The following COL15A1 variants were observed in gnomAD, a reference collection of about 807,000 sequenced individuals.
COL15A1 encodes the protein collagen alpha-1(XV) chain.
COL15A1 carries 111 observed loss-of-function variants against 165.9 expected under a neutral mutation model. The ratio of observed to expected loss-of-function variants is 0.67; its 90% confidence interval spans 0.57 to 0.78. COL15A1 has a LOEUF of 0.78. Among genes scored for constraint, COL15A1 ranks in the 30% least tolerant of loss-of-function variants. The probability of loss-of-function intolerance (pLI) is 0.00; values close to 1 mark genes in which losing one functional copy is unlikely to be tolerated. For synonymous variants in COL15A1, 659 were observed against 674.8 expected (o/e 0.98, Z 0.36); for missense variants, 1,745 against 1,789.7 (o/e 0.98, Z 0.45).
intron 34 of COL15A1, among the ~76,000 whole-genome samples, chr9:99,055,660 T>G (rs543714286): frequency 6.6e-6 from 1 of 152,332 alleles, no homozygotes; most frequent in East Asian, 1.9e-4. Flanking sequence ...CAAAGAATGA[T>G]TAATGGTGAA....
chr9:99,028,041 GT>G (rs1839156698), intron 16 of COL15A1, among the ~76,000 whole-genome samples: 1 of 152,160 alleles, frequency 6.6e-6, no homozygotes, highest in Non-Finnish European at 1.5e-5. Context: ...CATACCTCCA[GT>G]GACAAGGAAC....
At chr9:99,025,216 G>A (rs1485514514) in intron 15 of COL15A1, among the ~76,000 whole-genome samples, 2 of 152,230 alleles carry the variant, frequency 1.3e-5, no homozygotes, top group African/African-American at 4.8e-5. Flanking sequence ...TTGTTTTGCT[G>A]CTTTATCATA....
chr9:99,049,094 T>G (rs1000911368), intron 28 of COL15A1, among the ~76,000 whole-genome samples: 1 of 152,204 alleles, frequency 6.6e-6, no homozygotes, highest in African/African-American at 2.4e-5. Context: ...CTGCATGAAC[T>G]AAACTCTTCA....
chr9:99,052,549 T>C (rs1839608183), intron 31 of COL15A1, 116 bp downstream of exon 31: 1 of 856,314 alleles, frequency 1.2e-6, no homozygotes, highest in Non-Finnish European at 2.0e-6. Flanking sequence ...AACTGGATGC[T>C]GTAGGGGTGG....
intron 2 of COL15A1, among the ~76,000 whole-genome samples, chr9:98,963,346 G>A (rs1231721033): frequency 6.6e-6 from 1 of 152,166 alleles, no homozygotes; most frequent in East Asian, 1.9e-4. Context: ...GCTGGACTTT[G>A]GGGATCAACT....
At chr9:98,977,365 A>C (rs1159101167) in intron 2 of COL15A1, among the ~76,000 whole-genome samples, 2 of 152,136 alleles carry the variant, frequency 1.3e-5, no homozygotes, top group Non-Finnish European at 2.9e-5. Flanking sequence ...CCATGGACCC[A>C]GTTGCTGGGC....
Position 99,062,292 on chromosome 9 carries a change from G to A in COL15A1, c.3579G>A (p.Ala1193=), listed in dbSNP as rs762886576. The A allele has an allele frequency of 1.1e-5, 18 of 1,612,560 alleles. No homozygotes were observed. The highest frequency in any genetic ancestry group is 1.1e-4 in the East Asian group (5 of 44,894). ...CTGCCGACAGCCCTCCACCCCCTGC[G>A]CTTTCCAGCAACGTGAGTAGTTACC... ...PIPADSPPPP[A]LSSNPHQLLP... Residue 1193 remains alanine, a synonymous_variant, in exon 38 of 42, where the codon GCG becomes GCA. Coordinates refer to ENST00000375001, the MANE Select transcript of COL15A1 (RefSeq NM_001855.5).
chr9:98,963,255 T>G lies in COL15A1; in HGVS notation c.100+19005T>G, dbSNP rs147786129. 2.0e-3 allele frequency among the ~76,000 whole-genome samples: 295 copies of G among 147,538 alleles called. 1 individual carries two copies. The highest frequency in any genetic ancestry group is 2.0e-3 in the Non-Finnish European group (133 of 66,954). On this transcript the variant is annotated intron_variant, in intron 2 of 41. Transcript: ENST00000375001. ...TTAGGTAGCTAGGACCCACTGGGCC[T>G]CACTTCTCACAATGCCTGCAAGTCC... is the stretch of plus-strand genomic sequence containing the variant.
intron 2 of COL15A1, among the ~76,000 whole-genome samples, chr9:98,979,087 G>A (rs943173203): frequency 6.6e-6 from 1 of 152,092 alleles, no homozygotes; most frequent in Non-Finnish European, 1.5e-5. Context: ...CTTGGATTTC[G>A]TTGTGTGAAC....
intron 5 of COL15A1, among the ~76,000 whole-genome samples, chr9:98,992,877 C>T (rs1410098005): frequency 2.0e-5 from 3 of 152,158 alleles, no homozygotes; most frequent in South Asian, 4.1e-4. Context: ...ATGTGGGGCA[C>T]GTGTCAGCCA....
chr9:99,016,030 A>G lies in COL15A1; in HGVS notation c.1558A>G (p.Thr520Ala). 1 of 1,614,146 alleles carries G rather than the reference A, an allele frequency of 6.2e-7. No individual in the cohort carries two copies. The highest frequency in any genetic ancestry group is 1.7e-5 in the Admixed American group (1 of 60,028). Residue 520 changes from threonine (T) to alanine (A), a missense_variant, in exon 11 of 42, where the codon ACA becomes GCA. Thr to Ala is a moderately conservative substitution (Grantham distance 58). Transcript: ENST00000375001. ...AAATTEEPLITAGGEESGSPP... is the reference protein window; with the variant it reads ...AAATTEEPLIAAGGEESGSPP... Reference sequence around the variant, plus strand: ...AGCCACAACAGAGGAGCCCCTCATCACAGCTGGGGGTGAAGAGTCCGGCAG... The same window carrying G: ...AGCCACAACAGAGGAGCCCCTCATCGCAGCTGGGGGTGAAGAGTCCGGCAG...
At chr9:99,034,856 T>G (rs769088798) in intron 17 of COL15A1, among the ~76,000 whole-genome samples, 158 bp from the exon 18 acceptor site, 1 of 152,224 alleles carries the variant, frequency 6.6e-6, no homozygotes, top group Non-Finnish European at 1.5e-5. Context: ...GAACTGTCAA[T>G]TAGCAAGACA....
At chr9:99,021,840 G>A (rs1839033622) in intron 12 of COL15A1, among the ~76,000 whole-genome samples, 1 of 152,222 alleles carries the variant, frequency 6.6e-6, no homozygotes, top group Non-Finnish European at 1.5e-5. Flanking sequence ...GGGAGGGTGT[G>A]TGTGATGCGT....
chr9:99,057,353 T>C (rs902032771), intron 35 of COL15A1, among the ~76,000 whole-genome samples: 4 of 152,196 alleles, frequency 2.6e-5, no homozygotes, highest in Non-Finnish European at 5.9e-5. Flanking sequence ...GGCTGCTTTG[T>C]CAATGCCTTA....
Position 99,005,069 on chromosome 9 carries a change from C to T in COL15A1, c.1353+19C>T. 6.4e-7 allele frequency: 1 copy of T among 1,568,586 alleles called. No homozygotes were observed. The highest frequency in any genetic ancestry group is 1.2e-5 in the South Asian group (1 of 83,470). On this transcript the variant is annotated intron_variant, in intron 9 of 41. Coordinates refer to ENST00000375001, the MANE Select transcript of COL15A1 (RefSeq NM_001855.5). ...CACTGTGGTAAGGATCGTACAGTGC[C>T]CAAAGGTTGAGGTCATGGTGGGAGC...
chr9:99,003,651 G>A (rs1335662915), intron 8 of COL15A1, 64 bp downstream of exon 8: 3 of 1,429,866 alleles, frequency 2.1e-6, no homozygotes, highest in Non-Finnish European at 2.8e-6. Flanking sequence ...GTGTTGGGTG[G>A]GAGCAGTCAC....
chr9:99,012,517 G>A (rs1183983372), intron 9 of COL15A1, among the ~76,000 whole-genome samples: 1 of 152,112 alleles, frequency 6.6e-6, no homozygotes, highest in Admixed American at 6.6e-5. Context: ...GAGAACTTAG[G>A]AACTTTATAG....
Position 99,042,096 on chromosome 9 carries a change from A to G in COL15A1, c.2563A>G (p.Lys855Glu). 1 of 1,611,992 alleles carries G rather than the reference A, an allele frequency of 6.2e-7. No homozygotes were observed. Among genetic ancestry groups the G allele is most frequent in the South Asian group, 1.1e-5 (1 of 90,548 alleles). ...TGGTTTACCTGGCTTTCCAGGACTA[A>G]AAGGAGAACAGGTAAGAGGGGCCCA... ...DTGLPGFPGL[K>E]GEQGEKGEPG... The change falls in exon 24 of 42, where the codon AAA becomes GAA. Residue 855 changes from lysine (K) to glutamate (E), a missense_variant. Coordinates refer to ENST00000375001, the MANE Select transcript of COL15A1 (RefSeq NM_001855.5).
chr9:98,978,705 T>C (rs577289604), intron 2 of COL15A1, among the ~76,000 whole-genome samples: 26 of 152,334 alleles, frequency 1.7e-4, no homozygotes, highest in African/African-American at 5.1e-4. Flanking sequence ...ATAGGTTTTA[T>C]GATTTCTATA....
Sources: gnomAD v4.1 joint callset for allele counts (sites outside exome capture counted in the v4.1 genomes callset) on GRCh38, gnomAD v4.1.1 for gene constraint, MANE v1.5 for transcripts, NCBI Gene and HGNC (gene_info 2026-07-23, HGNC 2026-07-21) for gene names.